The following MRPS27 variants were observed in gnomAD, a reference collection of about 807,000 sequenced individuals.
MRPS27 encodes the protein small ribosomal subunit protein mS27.
MRPS27 carries 43 observed loss-of-function variants against 48.9 expected under a neutral mutation model. That is an observed-to-expected ratio of 0.88 (90% CI 0.69 to 1.13). MRPS27 has a LOEUF of 1.13. Ranked by LOEUF, MRPS27 falls within the 50% of genes most tolerant of loss-of-function variation. The pLI, the probability that MRPS27 is intolerant of heterozygous loss-of-function variation, is 0.00. For synonymous variants in MRPS27, 188 were observed against 171.9 expected (o/e 1.09, Z -0.73); for missense variants, 467 against 476.3 (o/e 0.98, Z 0.18).
intron 4 of MRPS27, among the ~76,000 whole-genome samples, chr5:72,240,423 AT>A (rs1748318344): frequency 6.6e-6 from 1 of 151,176 alleles, no homozygotes; most frequent in African/African-American, 2.5e-5. Flanking sequence ...AAATATAATT[AT>A]TTTTTGGTAA....
At chr5:72,275,437 G>C (rs760707439) in intron 4 of MRPS27, among the ~76,000 whole-genome samples, 1 of 152,142 alleles carries the variant, frequency 6.6e-6, no homozygotes, top group Non-Finnish European at 1.5e-5. Flanking sequence ...TCAATATCGT[G>C]AACATGGCCA....
intron 9 of MRPS27, among the ~76,000 whole-genome samples, chr5:72,225,440 G>A (rs1180550916): frequency 6.6e-6 from 1 of 152,206 alleles, no homozygotes; most frequent in Non-Finnish European, 1.5e-5. Flanking sequence ...CCTGTGGGGT[G>A]TAAGGCGCAT....
At chr5:72,298,700 G>C (rs377754009) in intron 2 of MRPS27, among the ~76,000 whole-genome samples, 1 of 123,906 alleles carries the variant, frequency 8.1e-6, no homozygotes, top group East Asian at 2.6e-4. Flanking sequence ...GAGACAGAGC[G>C]AGACTCCGTC....
intron 4 of MRPS27, among the ~76,000 whole-genome samples, chr5:72,266,450 T>A (rs1178271517): frequency 6.6e-6 from 1 of 152,236 alleles, no homozygotes; most frequent in African/African-American, 2.4e-5. Flanking sequence ...GCTGCCAAAG[T>A]GGCACCATGT....
chr5:72,257,803 G>T (rs940212880), intron 4 of MRPS27, among the ~76,000 whole-genome samples: 5 of 147,130 alleles, frequency 3.4e-5, no homozygotes, highest in Non-Finnish European at 7.6e-5. Flanking sequence ...AAGAATTGGA[G>T]GCTGGGTGCG....
At chr5:72,234,039 AG>A (rs1198726690) in intron 6 of MRPS27, 79 bp downstream of exon 6, 8 of 1,322,660 alleles carry the variant, frequency 6.0e-6, no homozygotes, top group Non-Finnish European at 7.8e-6. Flanking sequence ...GAAATAAAAA[AG>A]GGGAAGTTCC....
intron 4 of MRPS27, among the ~76,000 whole-genome samples, chr5:72,275,516 T>C (rs1015987400): frequency 6.6e-6 from 1 of 152,158 alleles, no homozygotes; most frequent in African/African-American, 2.4e-5. Flanking sequence ...CTTTACAGCA[T>C]TAGAAAAAAA....
intron 4 of MRPS27, among the ~76,000 whole-genome samples, chr5:72,245,524 A>G (rs543750846): frequency 1.3e-5 from 2 of 152,342 alleles, no homozygotes; most frequent in African/African-American, 4.8e-5. Flanking sequence ...TAGGAAAATC[A>G]CATATATTAA....
rs770696587 is a variant in MRPS27 at position 72,318,423 on chromosome 5, A to G, written c.73+1726T>C. Among the ~76,000 whole-genome samples the G allele has an allele frequency of 6.7e-4, 102 of 152,366 alleles. No individual in the cohort carries two copies. In the Middle Eastern group the frequency reaches 0.01, roughly 15 times the overall value. On this transcript the variant is annotated intron_variant, in intron 1 of 10. Coordinates refer to ENST00000261413, the MANE Select transcript of MRPS27 (RefSeq NM_015084.3). ...ATTCTAGCATATGCTTCATTCTAGC[A>G]TAAGTAATCACCTTTCTACATTCTG...
chr5:72,235,572 G>C (rs1748180634), intron 5 of MRPS27, among the ~76,000 whole-genome samples: 2 of 152,172 alleles, frequency 1.3e-5, no homozygotes, highest in Admixed American at 1.3e-4. Context: ...GCAGGATGTT[G>C]ATTATGAGGA....
intron 4 of MRPS27, among the ~76,000 whole-genome samples, chr5:72,258,817 T>C (rs1183574588): frequency 3.3e-5 from 5 of 152,194 alleles, no homozygotes; most frequent in Non-Finnish European, 5.9e-5. Flanking sequence ...CATTCTGTTA[T>C]AGCAGCACAA....
At chr5:72,232,689 T>C (rs1748095916) in intron 6 of MRPS27, 131 bp from the exon 7 acceptor site, 4 of 636,536 alleles carry the variant, frequency 6.3e-6, no homozygotes, top group African/African-American at 5.6e-5. Context: ...AAGTAAAATA[T>C]GCGGGCTTAG....
intron 4 of MRPS27, among the ~76,000 whole-genome samples, chr5:72,280,707 A>T (rs1749512591): frequency 6.6e-6 from 1 of 152,246 alleles, no homozygotes; most frequent in Non-Finnish European, 1.5e-5. Context: ...TCAATTGCTT[A>T]CATGCTCCCA....
intron 4 of MRPS27, among the ~76,000 whole-genome samples, chr5:72,238,357 C>T (rs948422294): frequency 6.6e-6 from 1 of 152,168 alleles, no homozygotes; most frequent in Non-Finnish European, 1.5e-5. Context: ...AAATTGTATT[C>T]CTTATACCCC....
intron 4 of MRPS27, among the ~76,000 whole-genome samples, chr5:72,277,695 C>A (rs1477666711): frequency 6.6e-6 from 1 of 152,102 alleles, no homozygotes; most frequent in Admixed American, 6.6e-5. Flanking sequence ...CAACTAAATG[C>A]CCATCAATGA....
intron 4 of MRPS27, among the ~76,000 whole-genome samples, chr5:72,270,266 T>C (rs555831569): frequency 1.3e-5 from 2 of 149,148 alleles, no homozygotes; most frequent in South Asian, 4.2e-4. Flanking sequence ...AAAACTATCA[T>C]AAAGCAAAGT....
At chr5:72,298,726 A>C (rs1326751012) in intron 2 of MRPS27, among the ~76,000 whole-genome samples, 8 of 149,504 alleles carry the variant, frequency 5.4e-5, no homozygotes, top group East Asian at 1.9e-4. Flanking sequence ...AAAAAAAACA[A>C]AAAAAAAAAA....
At position 72,225,332 on chromosome 5, in the gene MRPS27, C is replaced by T. The variant is rs115851693; in HGVS notation, c.837+725G>A. On this transcript the variant is annotated intron_variant, in intron 9 of 10. Coordinates refer to ENST00000261413, the MANE Select transcript of MRPS27 (RefSeq NM_015084.3). ...AAGAAAAAACAAATATGTGGCTCTA[C>T]GGTGACCTTTAAGCCATGGTAACAA... Among the ~76,000 whole-genome samples, 403 of 152,280 alleles carry T rather than the reference C, an allele frequency of 2.6e-3. 1 individual carries two copies. Among genetic ancestry groups the T allele is most frequent in the African/African-American group, 9.4e-3 (390 of 41,564 alleles).
intron 4 of MRPS27, among the ~76,000 whole-genome samples, chr5:72,291,057 A>G (rs1749805770): frequency 6.6e-6 from 1 of 152,154 alleles, no homozygotes; most frequent in South Asian, 2.1e-4. Flanking sequence ...GGCCTGTCCA[A>G]ATCTTCTCAC....
Sources: gnomAD v4.1 joint callset for allele counts (sites outside exome capture counted in the v4.1 genomes callset) on GRCh38, gnomAD v4.1.1 for gene constraint, MANE v1.5 for transcripts, NCBI Gene and HGNC (gene_info 2026-07-23, HGNC 2026-07-21) for gene names.